The following DDX60L variants were observed in gnomAD, a reference collection of about 807,000 sequenced individuals.
DDX60L encodes the protein DExD/H-box 60 like, also known as probable ATP-dependent RNA helicase DDX60-like.
DDX60L carries 191 observed loss-of-function variants against 211.6 expected under a neutral mutation model. That is an observed-to-expected ratio of 0.90 (90% CI 0.80 to 1.02). The LOEUF is 1.02. DDX60L is among the 50% of genes least tolerant of loss of function. The probability of loss-of-function intolerance (pLI) is 0.00; values close to 1 mark genes in which losing one functional copy is unlikely to be tolerated. For missense variants in DDX60L, 2,007 were observed against 1,984.1 expected (o/e 1.01, Z -0.22); for synonymous variants, 706 against 694.1 (o/e 1.02, Z -0.27).
chr4:168,401,555 T>C (rs1009676741), intron 25 of DDX60L, among the ~76,000 whole-genome samples: 3 of 152,244 alleles, frequency 2.0e-5, no homozygotes, highest in African/African-American at 7.2e-5. Flanking sequence ...CACTCATATT[T>C]GGCTCGGAAT....
chr4:168,472,029 GTTGAGTACCT>G, intron 3 of DDX60L, 93 bp from the exon 4 acceptor site: 1 of 968,166 alleles, frequency 1.0e-6, no homozygotes, highest in Non-Finnish European at 1.5e-6. Flanking sequence ...GCTACTGTTT[GTTGAGTACCT>G]CATGCCAGTC....
chr4:168,395,178 T>G (rs991984401), intron 27 of DDX60L, among the ~76,000 whole-genome samples: 2 of 152,156 alleles, frequency 1.3e-5, no homozygotes, highest in Non-Finnish European at 2.9e-5. Context: ...ACAATAAAAA[T>G]AGCCTATGCA....
Position 168,459,372 on chromosome 4 carries a change from C to T in DDX60L, c.607-1364G>A, listed in dbSNP as rs750986783. 5.3e-5 allele frequency among the ~76,000 whole-genome samples: 8 copies of T among 151,712 alleles called. No homozygotes were observed. The Middle Eastern group carries it at 9.6e-3, about 181-fold the overall frequency. ...TCTTAAAGAGAGACCAATCAAGACC[C>T]TAGTATTGCATTTTTAAGTCAGAGT... On this transcript the variant is annotated intron_variant, in intron 5 of 37. Coordinates refer to ENST00000682922, the MANE Select transcript of DDX60L (RefSeq NM_001012967.3).
rs772551926 is a variant in DDX60L, at chr4:168,404,078, G to A, written c.3242C>T (p.Pro1081Leu). ...KVKRVLKNLS[P>L]DSLSSSKDMV... is the part of the protein sequence containing the mutation. ...ATCTTTTGAACTAGACAATGAATCC[G>A]GACTAAGGTTCTTCAGTACTCTTTT... Residue 1081 changes from proline to leucine, a missense_variant, in exon 25 of 38, where the codon CCG becomes CTG. Physicochemically the swap from Pro to Leu is moderately conservative, Grantham distance 98. Transcript: ENST00000682922. 2.7e-5 allele frequency: 39 copies of A among 1,424,130 alleles called. No individual in the cohort carries two copies. The highest frequency in any genetic ancestry group is 1.8e-4 in the Middle Eastern group (1 of 5,578). 88.2% of individuals were successfully genotyped at this position (1,424,130 alleles called of 1,614,324 possible). A position where few individuals can be genotyped will look rare whatever the true frequency, so the allele number is the denominator to read the frequency against.
At chr4:168,390,431 T>C (rs1219514228) in intron 29 of DDX60L, 11 of 1,317,034 alleles carry the variant, frequency 8.4e-6, no homozygotes, top group African/African-American at 1.5e-5. Flanking sequence ...GCTTTTAAAG[T>C]TGAAACAGCA....
intron 25 of DDX60L, among the ~76,000 whole-genome samples, chr4:168,403,358 G>A (rs1041496828): frequency 6.6e-5 from 10 of 152,156 alleles, no homozygotes; most frequent in African/African-American, 2.2e-4. Flanking sequence ...ATTGGATCAA[G>A]GTCCTGGGAA....
intron 1 of DDX60L, among the ~76,000 whole-genome samples, chr4:168,478,314 T>C (rs1402036487): frequency 6.6e-6 from 1 of 152,030 alleles, no homozygotes; most frequent in Non-Finnish European, 1.5e-5. Context: ...CAGACTATCA[T>C]TTCAAATGAA....
rs375888868 is a variant in DDX60L at position 168,422,564 on chromosome 4, C to T, written c.2204G>A (p.Arg735Gln). ...AATAAAATCCTGGACCCTGGGATCC[C>T]GATCTTTTCTTTCATCTCTTATCAA... ...HYLIRDERKD[R>Q]DPRVQDFIPN... The change falls in exon 16 of 38, where the codon CGG becomes CAG. Residue 735 changes from arginine to glutamine, a missense_variant. Arg to Gln is a conservative substitution (Grantham distance 43, BLOSUM62 1). Transcript: ENST00000682922. The T allele has an allele frequency of 3.0e-5, 49 of 1,613,016 alleles. No individual in the cohort carries two copies. Among genetic ancestry groups the T allele is most frequent in the Non-Finnish European group, 3.7e-5 (44 of 1,179,658 alleles).
At chr4:168,369,000 C>T (rs1418761109) in intron 36 of DDX60L, among the ~76,000 whole-genome samples, 3 of 152,252 alleles carry the variant, frequency 2.0e-5, no homozygotes, top group Non-Finnish European at 4.4e-5. Flanking sequence ...TCAGATAAGA[C>T]ATTGTACAGT....
intron 13 of DDX60L, among the ~76,000 whole-genome samples, chr4:168,430,223 A>G (rs1412479264): frequency 6.6e-6 from 1 of 152,108 alleles, no homozygotes; most frequent in African/African-American, 2.4e-5. Flanking sequence ...AAAAAGAAAA[A>G]GAAGTTCCCT....
intron 34 of DDX60L, 128 bp from the exon 35 acceptor site, chr4:168,373,936 A>G: frequency 1.1e-6 from 1 of 886,968 alleles, no homozygotes. Context: ...TGATTGAGAT[A>G]TGGTGCATAA....
chr4:168,418,359 C>T (rs142959699), intron 19 of DDX60L, among the ~76,000 whole-genome samples: 95 of 152,294 alleles, frequency 6.2e-4, no homozygotes, highest in Admixed American at 2.0e-3. Flanking sequence ...TGAGCCACCA[C>T]ACCCGGCCTC....
chr4:168,472,723 G>C lies in DDX60L; in HGVS notation c.-24C>G, dbSNP rs566779191. 1.2e-6 allele frequency: 2 copies of C among 1,612,522 alleles called. No homozygotes were observed. Among genetic ancestry groups the C allele is most frequent in the South Asian group, 2.2e-5 (2 of 90,646 alleles). ...ATCGTTGCTGCTTCTTGGGCTACAG[G>C]GTAGAAGAGTAGAGCTGGAATTTAT... On this transcript the variant is annotated 5_prime_UTR_variant, in exon 2 of 38. Transcript: ENST00000682922.
At chr4:168,477,174 G>A (rs1295357119) in intron 1 of DDX60L, among the ~76,000 whole-genome samples, 1 of 152,126 alleles carries the variant, frequency 6.6e-6, no homozygotes, top group East Asian at 1.9e-4. Flanking sequence ...CCAGCACTTT[G>A]GGAGGCCAAG....
chr4:168,383,062 T>C (rs1036287308), intron 30 of DDX60L, among the ~76,000 whole-genome samples: 4 of 152,194 alleles, frequency 2.6e-5, no homozygotes, highest in African/African-American at 9.6e-5. Context: ...TAAAGTTAAA[T>C]AGTCAGTAAA....
intron 26 of DDX60L, among the ~76,000 whole-genome samples, chr4:168,399,671 A>C (rs781679996): frequency 6.6e-6 from 1 of 152,202 alleles, no homozygotes; most frequent in Non-Finnish European, 1.5e-5. Flanking sequence ...AATGGCAAGG[A>C]CCTGAACCAA....
chr4:168,371,321 C>T (rs1740971885), intron 36 of DDX60L, among the ~76,000 whole-genome samples: 1 of 149,220 alleles, frequency 6.7e-6, no homozygotes, highest in Non-Finnish European at 1.5e-5. Context: ...AGTTCAAGTG[C>T]CAAAATTTTG....
At chr4:168,439,776 A>G (rs1753561236) in intron 10 of DDX60L, among the ~76,000 whole-genome samples, 1 of 152,220 alleles carries the variant, frequency 6.6e-6, no homozygotes, top group South Asian at 2.1e-4. Context: ...GAACTACCAT[A>G]ATCAACTTTA....
At chr4:168,454,738 C>G (rs1438765738) in intron 7 of DDX60L, among the ~76,000 whole-genome samples, 1 of 116,202 alleles carries the variant, frequency 8.6e-6, no homozygotes, top group African/African-American at 3.1e-5. Context: ...CCATGGTGCT[C>G]CCGAAGAGTA....
Sources: gnomAD v4.1 joint callset for allele counts (sites outside exome capture counted in the v4.1 genomes callset) on GRCh38, gnomAD v4.1.1 for gene constraint, MANE v1.5 for transcripts, NCBI Gene and HGNC (gene_info 2026-07-23, HGNC 2026-07-21) for gene names.